The following CPEB2 variants were observed in gnomAD, a reference collection of about 807,000 sequenced individuals.
CPEB2 encodes cytoplasmic polyadenylation element-binding protein 2.
In CPEB2, 56 loss-of-function variants were observed where a neutral mutation model predicts 93.6. The ratio of observed to expected loss-of-function variants is 0.60; its 90% confidence interval spans 0.48 to 0.75. The LOEUF is 0.75. Ranked by LOEUF, CPEB2 falls within the 30% of genes least tolerant of loss-of-function variation. The pLI is 0.00. For missense variants in CPEB2, 1,579 were observed against 1,395.1 expected, an observed-to-expected ratio of 1.13 and a Z score of -2.10; for synonymous variants, 764 against 586.3, an observed-to-expected ratio of 1.30 and a Z score of -4.38.
intron 3 of CPEB2, chr4:15,010,523 A>G (rs1302442477): frequency 1.3e-5 from 2 of 152,300 alleles, no homozygotes; most frequent in East Asian, 1.9e-4. Flanking sequence ...CCATCTTTCC[A>G]TAAAAGGTTG....
At chr4:15,049,391 TGAAA>T (rs1224955071) in intron 6 of CPEB2, among the ~76,000 whole-genome samples, 3 of 152,128 alleles carry the variant, frequency 2.0e-5, no homozygotes, top group African/African-American at 7.2e-5. Flanking sequence ...CATTTTAAAG[TGAAA>T]AACTTTCCAA....
At chr4:15,038,964 G>C (rs906384843) in intron 5 of CPEB2, among the ~76,000 whole-genome samples, 6 of 152,082 alleles carry the variant, frequency 3.9e-5, no homozygotes, top group African/African-American at 1.4e-4. Context: ...CCATCACTTA[G>C]AGCTTTTTAA....
chr4:15,033,423 G>T (rs1456280864), intron 5 of CPEB2, among the ~76,000 whole-genome samples: 1 of 152,212 alleles, frequency 6.6e-6, no homozygotes, highest in East Asian at 1.9e-4. Flanking sequence ...CTTTAATTCA[G>T]TGATCACGGA....
intron 3 of CPEB2, among the ~76,000 whole-genome samples, chr4:15,016,187 G>A (rs1051837190): frequency 4.6e-5 from 7 of 151,972 alleles, no homozygotes; most frequent in South Asian, 2.1e-4. Flanking sequence ...GTTTAGAATG[G>A]ACTATCCTGT....
rs754568629 is a variant in CPEB2 at position 15,058,478 on chromosome 4, G to A, written c.2519G>A (p.Cys840Tyr). ...ESSVQALIDA[C>Y]IEEDGKLYLC... is the part of the protein sequence containing the mutation. ...TCAGTTCAGGCACTCATTGATGCTTGTATTGAAGAAGATGGAAAACTCTAT... is the reference window on the plus strand; with the variant it reads ...TCAGTTCAGGCACTCATTGATGCTTATATTGAAGAAGATGGAAAACTCTAT... The change falls in exon 9 of 12, where the codon TGT becomes TAT. Residue 840 changes from cysteine to tyrosine, a missense_variant. Physicochemically the swap from Cys to Tyr is radical, Grantham distance 194. Around this residue, in one of 2 missense-constraint regions of CPEB2, gnomAD observed 168 missense variants for 339.1 expected, o/e 0.50. Transcript: ENST00000538197. The A allele has an allele frequency of 1.2e-6, 2 of 1,613,096 alleles. No homozygotes were observed. The highest frequency in any genetic ancestry group is 1.7e-6 in the Non-Finnish European group (2 of 1,179,296).
chr4:15,004,215 G>T lies in CPEB2; in HGVS notation c.1542G>T (p.Pro514=). 1 of 1,326,260 alleles carries T rather than the reference G, an allele frequency of 7.5e-7. No homozygotes were observed. The highest frequency in any genetic ancestry group is 9.8e-7 in the Non-Finnish European group (1 of 1,022,978). The allele number at this position is 1,326,260 out of a possible 1,614,324, so 82.2% of individuals were successfully genotyped here. Residue 514 remains proline, a synonymous_variant, in exon 1 of 12, where the codon CCG becomes CCT. Coordinates refer to ENST00000538197, the MANE Select transcript of CPEB2 (RefSeq NM_001177382.2). Reference sequence around the variant, plus strand: ...ATATACCTCAACAGCAGCCCCCGCCGCCCGCGGCGCCGCAGCAGCCGCAGA... The same window carrying T: ...ATATACCTCAACAGCAGCCCCCGCCTCCCGCGGCGCCGCAGCAGCCGCAGA... ...AMNIPQQQPP[P]PAAPQQPQSR...
rs762864414 is a variant in CPEB2, at chr4:15,004,053, C to T, written c.1380C>T (p.Ala460=). Residue 460 remains alanine (A), a synonymous_variant, in exon 1 of 12, where the codon GCC becomes GCT. Coordinates refer to ENST00000538197, the MANE Select transcript of CPEB2 (RefSeq NM_001177382.2). ...GGCTGCCGTCGTCCATGAACCCGGC[C>T]TTCTTCCCTAGCTTCTCGCCCGTGT... ...YPGLPSSMNP[A]FFPSFSPVSP... 6 of 1,567,182 alleles carry T rather than the reference C, an allele frequency of 3.8e-6. No homozygotes were observed. The highest frequency in any genetic ancestry group is 2.6e-5 in the East Asian group (1 of 38,656).
In CPEB2 at chr4:15,003,064, G is replaced by A. The variant is rs1483463099; in HGVS notation, c.391G>A (p.Val131Met). The A allele has an allele frequency of 6.6e-7, 1 of 1,524,464 alleles. No individual in the cohort carries two copies. Among genetic ancestry groups the A allele is most frequent in the South Asian group, 1.2e-5 (1 of 82,902 alleles). The allele number at this position is 1,524,464 out of a possible 1,614,324, so 94.4% of individuals were successfully genotyped here. The part of the protein sequence containing the change: ...HHPGGGTIAG[V>M]THLLPSQDFK... Reference sequence around the variant, plus strand: ...CCCCGGCGGCGGCACGATCGCGGGTGTGACCCACCTCCTCCCCTCCCAGGA... The same window carrying A: ...CCCCGGCGGCGGCACGATCGCGGGTATGACCCACCTCCTCCCCTCCCAGGA... The change falls in exon 1 of 12, where the codon GTG becomes ATG. Residue 131 changes from valine to methionine, a missense_variant. Val to Met is a conservative substitution (Grantham distance 21, BLOSUM62 1). Coordinates refer to ENST00000538197, the MANE Select transcript of CPEB2 (RefSeq NM_001177382.2).
intron 2 of CPEB2, 49 bp downstream of exon 2, chr4:15,007,635 A>C (rs753940700): frequency 2.7e-5 from 35 of 1,285,020 alleles, no homozygotes; most frequent in South Asian, 2.7e-4. Context: ...ATCTTTCAAA[A>C]TAGGGAGTTG....
chr4:15,004,417 G>T, intron 1 of CPEB2, 82 bp downstream of exon 1: 1 of 1,083,886 alleles, frequency 9.2e-7, no homozygotes, highest in South Asian at 1.8e-5. Flanking sequence ...GGCAGCCGGG[G>T]ACCCGACCTT....
Position 15,040,502 on chromosome 4 carries a change from T to C in CPEB2, c.2200+15T>C. The C allele has an allele frequency of 6.5e-7, 1 of 1,535,132 alleles. No homozygotes were observed. Among genetic ancestry groups the C allele is most frequent in the African/African-American group, 1.4e-5 (1 of 73,154 alleles). On this transcript the variant is annotated intron_variant, in intron 6 of 11. Transcript: ENST00000538197. ...GCGAAGACGAGGTAATTCATTTCTG[T>C]TTGCTATGGTATAATTGTTTCTAAT...
chr4:15,007,612 A>G (rs763750440), intron 2 of CPEB2, 26 bp downstream of exon 2: 15 of 1,410,836 alleles, frequency 1.1e-5, no homozygotes, highest in Non-Finnish European at 4.8e-6. Flanking sequence ...AAATGACCTT[A>G]TCTCTAATGT....
At chr4:15,038,201 G>A (rs549581990) in intron 5 of CPEB2, among the ~76,000 whole-genome samples, 2 of 152,250 alleles carry the variant, frequency 1.3e-5, no homozygotes, top group East Asian at 3.9e-4. Context: ...TTTTCTAAGT[G>A]ATTATATTCA....
chr4:15,017,305 G>T, intron 4 of CPEB2, 27 bp downstream of exon 4: 8 of 1,218,244 alleles, frequency 6.6e-6, no homozygotes, highest in African/African-American at 1.5e-5. Context: ...AAAAATATAT[G>T]TTTATATTAT....
intron 5 of CPEB2, among the ~76,000 whole-genome samples, chr4:15,039,232 TC>T (rs951298643): frequency 1.3e-5 from 2 of 152,200 alleles, no homozygotes. Context: ...TTGACTTTTT[TC>T]TTAGAATTTA....
chr4:15,003,190 C>A lies in CPEB2; in HGVS notation c.517C>A (p.Gln173Lys). The A allele has an allele frequency of 6.5e-7, 1 of 1,534,354 alleles. No individual in the cohort carries two copies. The highest frequency in any genetic ancestry group is 8.7e-7 in the Non-Finnish European group (1 of 1,146,354). The part of the protein sequence containing the change: ...PQDFSKRQQQ[Q>K]LSSQKRKEFS... ...GGACTTCAGTAAGCGGCAGCAGCAGCAGCTGAGCAGCCAGAAGAGGAAAGA... is the reference window on the plus strand; with the variant it reads ...GGACTTCAGTAAGCGGCAGCAGCAGAAGCTGAGCAGCCAGAAGAGGAAAGA... Residue 173 changes from glutamine to lysine, a missense_variant, in exon 1 of 12, where the codon CAG becomes AAG. Gln to Lys is a moderately conservative substitution (Grantham distance 53). Transcript: ENST00000538197.
At chr4:15,025,470 A>G (rs1002773899) in intron 4 of CPEB2, among the ~76,000 whole-genome samples, 4 of 152,020 alleles carry the variant, frequency 2.6e-5, no homozygotes, top group Non-Finnish European at 5.9e-5. Context: ...TGGAAGCTCA[A>G]TGTATATAGT....
intron 4 of CPEB2, 193 bp downstream of exon 4, chr4:15,017,471 C>T (rs913706277): frequency 5.0e-6 from 2 of 397,224 alleles, no homozygotes; most frequent in Non-Finnish European, 8.9e-6. Flanking sequence ...AACTCACCTC[C>T]CTTGACTTAC....
intron 4 of CPEB2, among the ~76,000 whole-genome samples, chr4:15,026,240 T>C (rs1247624370): frequency 1.3e-5 from 2 of 151,802 alleles, no homozygotes; most frequent in Non-Finnish European, 2.9e-5. Context: ...TTGTTTTTGT[T>C]TTTTGAGATG....
Sources: gnomAD v4.1 joint callset for allele counts (sites outside exome capture counted in the v4.1 genomes callset) on GRCh38, gnomAD v4.1.1 for gene constraint, gnomAD v4.1.1 regional missense constraint, MANE v1.5 for transcripts, NCBI Gene and HGNC (gene_info 2026-07-23, HGNC 2026-07-21) for gene names.